Variants in LIMD1 observed in about 807,000 individuals in gnomAD.
The protein encoded by LIMD1 is LIM domain-containing protein 1.
In LIMD1, 23 loss-of-function variants were observed where a neutral mutation model predicts 58.4. That is an observed-to-expected ratio of 0.39 (90% CI 0.28 to 0.56). LIMD1 has a LOEUF of 0.56. Among genes scored for constraint, LIMD1 ranks in the 20% least tolerant of loss-of-function variants. The probability of loss-of-function intolerance (pLI) is 0.57; values close to 1 mark genes in which losing one functional copy is unlikely to be tolerated. For missense variants in LIMD1, 838 were observed against 855.5 expected (o/e 0.98, Z 0.25); for synonymous variants, 334 against 345.5 (o/e 0.97, Z 0.37).
At chr3:45,618,538 G>A (rs1389759591) in intron 1 of LIMD1, among the ~76,000 whole-genome samples, 1 of 152,158 alleles carries the variant, frequency 6.6e-6, no homozygotes, top group African/African-American at 2.4e-5. Flanking sequence ...TCTGTGAGGA[G>A]AGTGGTTTTA....
At chr3:45,664,773 G>A (rs1366698635) in intron 2 of LIMD1, among the ~76,000 whole-genome samples, 1 of 152,216 alleles carries the variant, frequency 6.6e-6, no homozygotes, top group Non-Finnish European at 1.5e-5. Context: ...GGCACTGTTT[G>A]TGACAATGAT....
At chr3:45,662,135 T>A (rs1390380186) in intron 2 of LIMD1, among the ~76,000 whole-genome samples, 1 of 152,256 alleles carries the variant, frequency 6.6e-6, no homozygotes, top group Non-Finnish European at 1.5e-5. Context: ...TTTTGTGGTT[T>A]GTCTGCCTAT....
At chr3:45,675,551 G>C (rs1697656442) in intron 7 of LIMD1, among the ~76,000 whole-genome samples, 1 of 151,590 alleles carries the variant, frequency 6.6e-6, no homozygotes, top group South Asian at 2.1e-4. Context: ...AACTATGAGA[G>C]CCACAAATTA....
chr3:45,670,947 T>G lies in LIMD1; in HGVS notation c.1642-1743T>G, dbSNP rs150853018. Among the ~76,000 whole-genome samples, 390 of 152,336 alleles carry G rather than the reference T, an allele frequency of 2.6e-3. 1 individual carries two copies. The highest frequency in any genetic ancestry group is 3.9e-3 in the Non-Finnish European group (264 of 68,034). On this transcript the variant is annotated intron_variant, in intron 4 of 7. Coordinates refer to ENST00000273317, the MANE Select transcript of LIMD1 (RefSeq NM_014240.3). ...TTGCAGGTTAGAACCAGGCATAGTC[T>G]CACATAAAAAAAGTATTACAGCTAG...
chr3:45,597,207 G>T (rs953801306), intron 1 of LIMD1, among the ~76,000 whole-genome samples: 2 of 152,080 alleles, frequency 1.3e-5, no homozygotes, highest in African/African-American at 4.8e-5. Context: ...GCATCCCTTT[G>T]CCTGGAAACT....
chr3:45,664,183 T>A (rs1276284701), intron 2 of LIMD1, among the ~76,000 whole-genome samples: 1 of 152,028 alleles, frequency 6.6e-6, no homozygotes, highest in Non-Finnish European at 1.5e-5. Context: ...TTTTTGTACC[T>A]TTTGTAGAGA....
chr3:45,647,378 G>A (rs532786401), intron 2 of LIMD1, among the ~76,000 whole-genome samples: 4 of 152,336 alleles, frequency 2.6e-5, no homozygotes, highest in Admixed American at 2.6e-4. Context: ...CTTCCCAGGA[G>A]TACTGAGGCT....
intron 2 of LIMD1, among the ~76,000 whole-genome samples, chr3:45,654,920 ATTTTT>A (rs199987395): frequency 7.1e-6 from 1 of 140,600 alleles, no homozygotes; most frequent in Non-Finnish European, 1.5e-5. Flanking sequence ...TTATCAGTCA[ATTTTT>A]TTTTTTTTTT....
At chr3:45,626,194 AAACTG>A (rs1388309012) in intron 1 of LIMD1, among the ~76,000 whole-genome samples, 1 of 152,226 alleles carries the variant, frequency 6.6e-6, no homozygotes, top group African/African-American at 2.4e-5. Context: ...GCTTCTTATA[AAACTG>A]AACATATTCT....
At chr3:45,673,942 A>C (rs1697631272) in intron 6 of LIMD1, 2 of 254,638 alleles carry the variant, frequency 7.9e-6, no homozygotes, top group South Asian at 1.4e-4. Context: ...TCGTGTCTTC[A>C]CCCTTCCTTG....
rs143194660 is a variant in LIMD1 at position 45,595,313 on chromosome 3, G to A, written c.434G>A (p.Ser145Asn). Reference protein sequence around the residue: ...RPYLHGTRHGSQDCGSRESLA... With the variant: ...RPYLHGTRHGNQDCGSRESLA... Reference sequence around the variant, plus strand: ...TACCTGCATGGCACGAGGCATGGCAGCCAGGACTGTGGTTCCAGGGAGAGC... The same window carrying A: ...TACCTGCATGGCACGAGGCATGGCAACCAGGACTGTGGTTCCAGGGAGAGC... Residue 145 changes from serine to asparagine, a missense_variant, in exon 1 of 8, where the codon AGC becomes AAC. Transcript: ENST00000273317. 350 of 1,613,478 alleles carry A rather than the reference G, an allele frequency of 2.2e-4. No individual in the cohort carries two copies. The African/African-American group carries it at 3.9e-3, about 18-fold the overall frequency.
In LIMD1 at chr3:45,595,257, G is replaced by A. The variant is rs372781042; in HGVS notation, c.378G>A (p.Pro126=). The part of the protein sequence containing the change: ...AVTTLAAGQP[P]YPPQEQRSRP... Reference sequence around the variant, plus strand: ...CCACCCTCGCTGCTGGGCAGCCCCCGTACCCACCGCAGGAGCAGAGATCCA... The same window carrying A: ...CCACCCTCGCTGCTGGGCAGCCCCCATACCCACCGCAGGAGCAGAGATCCA... The change falls in exon 1 of 8, where the codon CCG becomes CCA. Residue 126 remains proline (P), a synonymous_variant. Coordinates refer to ENST00000273317, the MANE Select transcript of LIMD1 (RefSeq NM_014240.3). The A allele has an allele frequency of 1.2e-6, 2 of 1,610,662 alleles. No homozygotes were observed. Among genetic ancestry groups the A allele is most frequent in the Non-Finnish European group, 1.7e-6 (2 of 1,179,186 alleles).
rs1380215822 is a variant in LIMD1 at position 45,594,831 on chromosome 3, ACACACACACACACG to A, written c.-48_-35del. ...CACACACACACACACACACACACAC[ACACACACACACACG>A]GCACCTGGGCTAGGCCCGGACACCT... On this transcript the variant is annotated 5_prime_UTR_variant, in exon 1 of 8. Transcript: ENST00000273317. 6.3e-6 allele frequency: 6 copies of A among 945,712 alleles called. No homozygotes were observed. In the African/African-American group the frequency reaches 8.4e-5, roughly 13 times the overall value. 58.6% of individuals were successfully genotyped at this position (945,712 alleles called of 1,614,324 possible).
At position 45,674,494 on chromosome 3, in the gene LIMD1, A is replaced by G. The variant is rs532463608; in HGVS notation, c.1893+83A>G. 4.8e-6 allele frequency: 5 copies of G among 1,032,308 alleles called. No individual in the cohort carries two copies. In the Admixed American group the frequency reaches 7.6e-5, roughly 16 times the overall value. The allele number at this position is 1,032,308 out of a possible 1,614,324, so 63.9% of individuals were successfully genotyped here. The stretch of plus-strand genomic sequence containing the variant: ...TCCTGCGTTGACTGGGGCAAGAGGC[A>G]GTCAACAAGATTCTGGCAAGGGTCA... On this transcript the variant is annotated intron_variant, in intron 7 of 7. Transcript: ENST00000273317.
At chr3:45,665,240 CAT>C (rs1697500793) in intron 2 of LIMD1, among the ~76,000 whole-genome samples, 1 of 151,896 alleles carries the variant, frequency 6.6e-6, no homozygotes, top group Admixed American at 6.6e-5. Flanking sequence ...GGTCCTGGAG[CAT>C]ATGTCCAAGG....
At chr3:45,621,028 GAA>G (rs975119812) in intron 1 of LIMD1, among the ~76,000 whole-genome samples, 2 of 152,110 alleles carry the variant, frequency 1.3e-5, no homozygotes, top group Non-Finnish European at 2.9e-5. Context: ...TGATCATGAA[GAA>G]ACATTAGGCA....
chr3:45,605,936 T>G (rs1160400811), intron 1 of LIMD1, among the ~76,000 whole-genome samples: 1 of 152,198 alleles, frequency 6.6e-6, no homozygotes, highest in African/African-American at 2.4e-5. Context: ...CCAGTCTCCC[T>G]TCTTTGTCCC....
intron 7 of LIMD1, 178 bp downstream of exon 7, chr3:45,674,589 G>C: frequency 1.7e-6 from 1 of 593,302 alleles, no homozygotes; most frequent in South Asian, 2.0e-5. Flanking sequence ...AGATGGAAAT[G>C]CTCAAGGTAT....
chr3:45,648,176 G>C (rs554985927), intron 2 of LIMD1, among the ~76,000 whole-genome samples: 1 of 152,106 alleles, frequency 6.6e-6, no homozygotes, highest in African/African-American at 2.4e-5. Context: ...GTATAATTCT[G>C]AACACAGAAT....
Sources: allele counts gnomAD v4.1 joint callset (sites outside exome capture counted in the v4.1 genomes callset), GRCh38; gene constraint gnomAD v4.1.1; transcripts MANE v1.5; gene names NCBI Gene and HGNC (gene_info 2026-07-23, HGNC 2026-07-21).